The following KLF10 variants were observed in gnomAD, a reference collection of about 807,000 sequenced individuals.
KLF10 encodes Krueppel-like factor 10.
KLF10 carries 17 observed loss-of-function variants against 31.6 expected under a neutral mutation model. That is an observed-to-expected ratio of 0.54 (90% CI 0.37 to 0.81). The LOEUF is 0.81. Ranked by LOEUF, KLF10 falls within the 30% of genes least tolerant of loss-of-function variation. The pLI, the probability that KLF10 is intolerant of heterozygous loss-of-function variation, is 0.00. For missense variants in KLF10, 525 were observed against 598.1 expected (o/e 0.88, Z 1.27); for synonymous variants, 239 against 215.1 (o/e 1.11, Z -0.97).
In KLF10 at chr8:102,651,135, G is replaced by A; in HGVS notation, c.1183+14C>T. The A allele has an allele frequency of 6.7e-7, 1 of 1,494,838 alleles. No individual in the cohort carries two copies. The allele number at this position is 1,494,838 out of a possible 1,614,324, so 92.6% of individuals were successfully genotyped here. ...CTTCATTTAAACACTAAAGATATAA[G>A]AAGTGGCTGGTACCTGTGTGCGTCC... On this transcript the variant is annotated intron_variant, in intron 3 of 3. Coordinates refer to ENST00000285407, the MANE Select transcript of KLF10 (RefSeq NM_005655.4).
In KLF10 at chr8:102,652,257, G is replaced by GT; in HGVS notation, c.176dup (p.Tyr59Ter). The stretch of plus-strand genomic sequence containing the variant: ...CTGGTGTAACAGGTCTGTTTTCAAC[G>GT]TATTTCTTAAAATCAGACTTCCAAC... ...SCSWKSDFKK[Y>*]VENRPVTPVS... The change falls in exon 2 of 4, where the codon TAC becomes TAAC. Residue 59 changes from tyrosine (Y) to a stop codon, truncating the protein, a stop_gained and frameshift_variant. Transcript: ENST00000285407. LOFTEE classifies it high-confidence loss of function. 6.2e-7 allele frequency: 1 copy of GT among 1,613,298 alleles called. No individual in the cohort carries two copies.
In KLF10 at chr8:102,650,032, C is replaced by T; in HGVS notation, c.*100G>A. ...AGGCTGTGGGGCTTCTGCTTTAAGC[C>T]CACGTTGTGGGGCCACAGACTTGCA... On this transcript the variant is annotated 3_prime_UTR_variant, in exon 4 of 4. Coordinates refer to ENST00000285407, the MANE Select transcript of KLF10 (RefSeq NM_005655.4). 2 of 1,463,084 alleles carry T rather than the reference C, an allele frequency of 1.4e-6. No individual in the cohort carries two copies. Among genetic ancestry groups the T allele is most frequent in the Non-Finnish European group, 1.8e-6 (2 of 1,087,496 alleles). 90.6% of individuals were successfully genotyped at this position (1,463,084 alleles called of 1,614,324 possible).
At chr8:102,652,790 A>C (rs533352118) in intron 1 of KLF10, among the ~76,000 whole-genome samples, 1 of 152,314 alleles carries the variant, frequency 6.6e-6, no homozygotes, top group Non-Finnish European at 1.5e-5. Flanking sequence ...TTTTATATAG[A>C]CTTTCCAGAG....
At chr8:102,653,470 C>T in intron 1 of KLF10, 1 of 1,548,708 alleles carries the variant, frequency 6.5e-7, no homozygotes, top group African/African-American at 1.4e-5. Context: ...TACTACTCAC[C>T]ATTTCTCCTA....
intron 1 of KLF10, 54 bp from the exon 2 acceptor site, chr8:102,652,451 C>T: frequency 1.1e-6 from 1 of 892,354 alleles, no homozygotes. Context: ...ATCCAAATGA[C>T]ACACAGAAAA....
At chr8:102,652,470 A>T (rs1279588017) in intron 1 of KLF10, 73 bp from the exon 2 acceptor site, 76 of 489,934 alleles carry the variant, frequency 1.6e-4, no homozygotes, top group Middle Eastern at 5.7e-4. Context: ...AAATGAGCAA[A>T]TTTTTTTTTT....
rs1827236197 is a variant in KLF10, at chr8:102,652,333, G to A, written c.101C>T (p.Ala34Val). The A allele has an allele frequency of 6.2e-7, 1 of 1,612,070 alleles. No individual in the cohort carries two copies. The highest frequency in any genetic ancestry group is 1.3e-5 in the African/African-American group (1 of 74,844). ...KESMYSWNKT[A>V]EKSDFEAVEA... Reference sequence around the variant, plus strand: ...TACAGCTTCAAAATCACTTTTCTCTGCAGTTTTGTTCCAGGAATACATACT... The same window carrying A: ...TACAGCTTCAAAATCACTTTTCTCTACAGTTTTGTTCCAGGAATACATACT... Residue 34 changes from alanine to valine, a missense_variant, in exon 2 of 4, where the codon GCA (alanine) becomes GTA (valine). Physicochemically the swap from Ala to Val is moderately conservative, Grantham distance 64. Coordinates refer to ENST00000285407, the MANE Select transcript of KLF10 (RefSeq NM_005655.4).
intron 1 of KLF10, chr8:102,653,895 G>A: frequency 1.0e-6 from 1 of 977,434 alleles, no homozygotes; most frequent in Non-Finnish European, 1.2e-6. Flanking sequence ...GGCAGACGAG[G>A]GGCGGGGGCG....
In KLF10 at chr8:102,651,955, G is replaced by C. The variant is rs759149957; in HGVS notation, c.377C>G (p.Ala126Gly). Residue 126 changes from alanine (A) to glycine (G), a missense_variant, in exon 3 of 4, where the codon GCC becomes GGC. Ala to Gly is a moderately conservative substitution (Grantham distance 60). Coordinates refer to ENST00000285407, the MANE Select transcript of KLF10 (RefSeq NM_005655.4). ...TVHFKSLSDT[A>G]KPHIAAPFKE... ...GAAAGGTGCGGCAATGTGAGGTTTGGCAGTATCTGAGAGTGACTTGAAGTG... is the reference window on the plus strand; with the variant it reads ...GAAAGGTGCGGCAATGTGAGGTTTGCCAGTATCTGAGAGTGACTTGAAGTG... The C allele has an allele frequency of 1.5e-5, 24 of 1,613,914 alleles. No homozygotes were observed. The highest frequency in any genetic ancestry group is 1.9e-5 in the Non-Finnish European group (23 of 1,180,024).
chr8:102,649,476 G>C lies in KLF10; in HGVS notation c.*656C>G, dbSNP rs940637305. 4.6e-5 allele frequency: 7 copies of C among 152,238 alleles called. No homozygotes were observed. The highest frequency in any genetic ancestry group is 1.4e-4 in the African/African-American group (6 of 41,454). 9.4% of individuals were successfully genotyped at this position (152,238 alleles called of 1,614,324 possible). On this transcript the variant is annotated 3_prime_UTR_variant, in exon 4 of 4. Transcript: ENST00000285407. ...CAAAACAAAAATGCAAAAACAAATT[G>C]TAGCTATGCTTCAAAGCAATTAAAT... is the stretch of plus-strand genomic sequence containing the variant.
Position 102,649,722 on chromosome 8 carries a change from T to C in KLF10, c.*410A>G, listed in dbSNP as rs1415684233. 1 of 197,660 alleles carries C rather than the reference T, an allele frequency of 5.1e-6. No individual in the cohort carries two copies. The highest frequency in any genetic ancestry group is 1.3e-4 in the East Asian group (1 of 7,986). 12.2% of individuals were successfully genotyped at this position (197,660 alleles called of 1,614,324 possible). The stretch of plus-strand genomic sequence containing the variant: ...TTACATCTCCATGTCTGTACCGTAA[T>C]GTTTATTTCCTTCCAGCCTCCATAT... On this transcript the variant is annotated 3_prime_UTR_variant, in exon 4 of 4. Coordinates refer to ENST00000285407, the MANE Select transcript of KLF10 (RefSeq NM_005655.4).
Position 102,649,414 on chromosome 8 carries a change from T to C in KLF10, c.*718A>G, listed in dbSNP as rs1239764559. 1 of 152,242 alleles carries C rather than the reference T, an allele frequency of 6.6e-6. No individual in the cohort carries two copies. Among genetic ancestry groups the C allele is most frequent in the African/African-American group, 2.4e-5 (1 of 41,464 alleles). 9.4% of individuals were successfully genotyped at this position (152,242 alleles called of 1,614,324 possible). A position where few individuals can be genotyped will look rare whatever the true frequency, so the allele number is the denominator to read the frequency against. On this transcript the variant is annotated 3_prime_UTR_variant, in exon 4 of 4. Transcript: ENST00000285407. ...TGCAGGCAAACTAAAGTTCAAAGCA[T>C]AATGAAATGCCTAGATACAGTCATT...
chr8:102,655,435 C>T (rs1827341543), intron 1 of KLF10, 131 bp downstream of exon 1: 1 of 1,186,966 alleles, frequency 8.4e-7, no homozygotes, highest in Non-Finnish European at 1.2e-6. Flanking sequence ...GAAGCCCTTT[C>T]CTTCCCCACG....
At chr8:102,654,607 C>A (rs1250834181) in intron 1 of KLF10, among the ~76,000 whole-genome samples, 2 of 152,058 alleles carry the variant, frequency 1.3e-5, no homozygotes, top group Non-Finnish European at 1.5e-5. Flanking sequence ...CCCACGGGAC[C>A]TCAGACCACC....
At position 102,652,019 on chromosome 8, in the gene KLF10, G is replaced by T; in HGVS notation, c.313C>A (p.Gln105Lys). 1 of 1,612,722 alleles carries T rather than the reference G, an allele frequency of 6.2e-7. No homozygotes were observed. Among genetic ancestry groups the T allele is most frequent in the South Asian group, 1.1e-5 (1 of 90,832 alleles). The change falls in exon 3 of 4, where the codon CAA becomes AAA. Residue 105 changes from glutamine to lysine, a missense_variant. Physicochemically the swap from Gln to Lys is moderately conservative, Grantham distance 53. Coordinates refer to ENST00000285407, the MANE Select transcript of KLF10 (RefSeq NM_005655.4). ...GCTGGTGCCATCAGATTTGACACTT[G>T]AGAGGGTTCAAAGTCAGAAGGACTG... ...PYSPSDFEPSQVSNLMAPAPS... is the reference protein window; with the variant it reads ...PYSPSDFEPSKVSNLMAPAPS...
chr8:102,654,113 C>T (rs1384004178), intron 1 of KLF10: 4 of 244,842 alleles, frequency 1.6e-5, no homozygotes, highest in Non-Finnish European at 1.9e-5. Context: ...GGGGGCGAGG[C>T]ATGTGAACAA....
rs745571326 is a variant in KLF10, at chr8:102,652,180, T to C, written c.254A>G (p.His85Arg). 2 of 1,595,794 alleles carry C rather than the reference T, an allele frequency of 1.3e-6. No individual in the cohort carries two copies. Among genetic ancestry groups the C allele is most frequent in the Non-Finnish European group, 1.7e-6 (2 of 1,168,842 alleles). ...ENLLPGTPDF[H>R]TIPAFCLTPP... is the part of the protein sequence containing the mutation. ...AATACTTACAAATGCTGGGATTGTA[T>C]GAAAATCAGGTGTTCCCGGAAGCAG... is the stretch of plus-strand genomic sequence containing the variant. Residue 85 changes from histidine to arginine, a missense_variant, in exon 2 of 4, where the codon CAT (histidine) becomes CGT (arginine). His to Arg is a conservative substitution (Grantham distance 29, BLOSUM62 0). This residue lies in a region of KLF10 where 434 missense variants were observed against 450.7 expected (regional missense o/e 0.96). Coordinates refer to ENST00000285407, the MANE Select transcript of KLF10 (RefSeq NM_005655.4).
At position 102,653,659 on chromosome 8, in the gene KLF10, A is replaced by G. The variant is rs563818982; in HGVS notation, c.37-1262T>C. 1.5e-5 allele frequency: 19 copies of G among 1,307,434 alleles called. 1 individual carries two copies. In the South Asian group the frequency reaches 4.4e-4, roughly 30 times the overall value. 81.0% of individuals were successfully genotyped at this position (1,307,434 alleles called of 1,614,324 possible). A position where few individuals can be genotyped will look rare whatever the true frequency, so the allele number is the denominator to read the frequency against. On this transcript the variant is annotated intron_variant, in intron 1 of 3. Coordinates refer to ENST00000285407, the MANE Select transcript of KLF10 (RefSeq NM_005655.4). The stretch of plus-strand genomic sequence containing the variant: ...AGCCATTGCTCTTGAAATATCGCTA[A>G]CAATATAATTGCATAATCGCGCCCG...
In KLF10 at chr8:102,655,613, T is replaced by C. The variant is rs377206694; in HGVS notation, c.-12A>G. ...CCGAAGTTGAGCATGGTTGGCTGCTTGGCCGCCGGCGGCAAGCTGACTGGC... is the reference window on the plus strand; with the variant it reads ...CCGAAGTTGAGCATGGTTGGCTGCTCGGCCGCCGGCGGCAAGCTGACTGGC... On this transcript the variant is annotated 5_prime_UTR_variant, in exon 1 of 4. Coordinates refer to ENST00000285407, the MANE Select transcript of KLF10 (RefSeq NM_005655.4). 3 of 1,613,840 alleles carry C rather than the reference T, an allele frequency of 1.9e-6. No individual in the cohort carries two copies. Among genetic ancestry groups the C allele is most frequent in the Non-Finnish European group, 2.5e-6 (3 of 1,179,890 alleles).
Sources: allele counts gnomAD v4.1 joint callset (sites outside exome capture counted in the v4.1 genomes callset), GRCh38; gene constraint gnomAD v4.1.1; regional missense constraint gnomAD v4.1.1; transcripts MANE v1.5; gene names NCBI Gene and HGNC (gene_info 2026-07-23, HGNC 2026-07-21).